TRAIP: variants seen among roughly 807,000 people sequenced by gnomAD.
TRAIP encodes the protein TRAF interacting protein.
TRAIP carries 37 observed loss-of-function variants against 65.0 expected under a neutral mutation model. The observed-to-expected ratio is 0.57, with a 90% CI of 0.44 to 0.75. The LOEUF (loss-of-function observed/expected upper bound fraction) is 0.75, where lower values mean the gene tolerates loss of function less well. Among genes scored for constraint, TRAIP ranks in the 30% least tolerant of loss-of-function variants. The probability of loss-of-function intolerance (pLI) is 0.00; values close to 1 mark genes in which losing one functional copy is unlikely to be tolerated. For synonymous variants in TRAIP, 187 were observed against 219.1 expected (o/e 0.85, Z 1.29); for missense variants, 481 against 579.4 (o/e 0.83, Z 1.74).
rs771421834 is a variant in TRAIP at position 49,843,964 on chromosome 3, G to T, written c.281-36C>A. On this transcript the variant is annotated intron_variant, in intron 4 of 14. Coordinates refer to ENST00000331456, the MANE Select transcript of TRAIP (RefSeq NM_005879.3). ...GGTAGAGGGCGGAGGAAAGGGAAAG[G>T]CCTGTCCATCCATCAGCAGAAGAAC... 2.5e-5 allele frequency: 39 copies of T among 1,580,244 alleles called. No homozygotes were observed. In the East Asian group the frequency reaches 2.7e-4, roughly 11 times the overall value.
At position 49,829,954 on chromosome 3, in the gene TRAIP, A is replaced by G. The variant is rs539630613; in HGVS notation, c.1086+66T>C. 3 of 1,604,880 alleles carry G rather than the reference A, an allele frequency of 1.9e-6. No homozygotes were observed. In the East Asian group the frequency reaches 6.7e-5, roughly 36 times the overall value. Reference sequence around the variant, plus strand: ...CCAGGAGTGACAAGGCTCTGGCAAGACCGTGCCCTCCCAAAAGTCCAGTCC... The same window carrying G: ...CCAGGAGTGACAAGGCTCTGGCAAGGCCGTGCCCTCCCAAAAGTCCAGTCC... On this transcript the variant is annotated intron_variant, in intron 12 of 14. Transcript: ENST00000331456.
Position 49,829,182 on chromosome 3 carries a change from G to C in TRAIP, c.1331C>G (p.Thr444Ser), listed in dbSNP as rs1358197216. The C allele has an allele frequency of 1.2e-6, 2 of 1,614,110 alleles. No individual in the cohort carries two copies. The highest frequency in any genetic ancestry group is 1.3e-5 in the African/African-American group (1 of 74,928). ...MIRPLPVKPK[T>S]KVKQRVRVKT... ...CACCCTCACCCTCTGCTTAACCTTG[G>C]TCTTGGGCTTAACAGGCAATGGGCG... Residue 444 changes from threonine to serine, a missense_variant, in exon 15 of 15, where the codon ACC (threonine) becomes AGC (serine). Coordinates refer to ENST00000331456, the MANE Select transcript of TRAIP (RefSeq NM_005879.3).
chr3:49,846,691 C>G (rs1333557232), intron 3 of TRAIP, among the ~76,000 whole-genome samples: 2 of 152,132 alleles, frequency 1.3e-5, no homozygotes, highest in Admixed American at 6.5e-5. Context: ...CAAGTCTCAC[C>G]TCTATAACTT....
chr3:49,848,838 T>C (rs943494388), intron 1 of TRAIP, among the ~76,000 whole-genome samples: 3 of 152,134 alleles, frequency 2.0e-5, no homozygotes, highest in African/African-American at 4.8e-5. Context: ...ATACCTACTA[T>C]GTACTCATAA....
rs372743241 is a variant in TRAIP at position 49,830,873 on chromosome 3, G to C, written c.1038-805C>G. On this transcript the variant is annotated intron_variant, in intron 11 of 14. Coordinates refer to ENST00000331456, the MANE Select transcript of TRAIP (RefSeq NM_005879.3). ...GTGGTAAGGCTACATGACAACCAAG[G>C]CTCCAGGAAGGACGAGCTGAGTTAG... 1.2e-4 allele frequency among the ~76,000 whole-genome samples: 18 copies of C among 152,296 alleles called. No homozygotes were observed. The East Asian group carries it at 2.3e-3, about 20-fold the overall frequency.
At chr3:49,839,487 T>C (rs1467496716) in intron 10 of TRAIP, among the ~76,000 whole-genome samples, 1 of 152,186 alleles carries the variant, frequency 6.6e-6, no homozygotes, top group Non-Finnish European at 1.5e-5. Context: ...GACAGATAAA[T>C]GTGGGGAGCT....
At chr3:49,836,555 A>C (rs2081789085) in intron 10 of TRAIP, among the ~76,000 whole-genome samples, 1 of 151,420 alleles carries the variant, frequency 6.6e-6, no homozygotes, top group Admixed American at 6.6e-5. Flanking sequence ...AAAGCAAAGC[A>C]AAGCGGTGGC....
At chr3:49,834,444 G>A (rs1281754408) in intron 10 of TRAIP, among the ~76,000 whole-genome samples, 3 of 152,114 alleles carry the variant, frequency 2.0e-5, no homozygotes, top group African/African-American at 4.8e-5. Context: ...GGAAAGGGAG[G>A]GCCTTGCAAA....
rs777634559 is a variant in TRAIP at position 49,842,512 on chromosome 3, C to T, written c.444G>A (p.Glu148=). Residue 148 remains glutamate (E), a synonymous_variant, in exon 6 of 15, where the codon GAG becomes GAA. Transcript: ENST00000331456. ...GGGCCTCCTCTTGTGCTTGTTTGGT[C>T]TCATCCTGCTGCTGCTCTAAGTACT... ...QMKYLEQQQD[E]TKQAQEEARR... The T allele has an allele frequency of 6.2e-7, 1 of 1,613,914 alleles. No individual in the cohort carries two copies. The highest frequency in any genetic ancestry group is 8.5e-7 in the Non-Finnish European group (1 of 1,180,004).
chr3:49,837,658 T>C (rs921102603), intron 10 of TRAIP, among the ~76,000 whole-genome samples: 1 of 144,896 alleles, frequency 6.9e-6, no homozygotes, highest in Non-Finnish European at 1.5e-5. Flanking sequence ...CTCGGCTCAC[T>C]GCAACCTCTA....
rs146306196 is a variant in TRAIP, at chr3:49,829,461, C to A, written c.1284G>T (p.Gln428His). ...CAACATCACAGGAAAAGGATACAGG[C>A]TGGATGAATTTTGTCCGGCCACCGA... ...DGLGGRTKFI[Q>H]PTDTVMIRPL... is the part of the protein sequence containing the mutation. The change falls in exon 14 of 15, where the codon CAG becomes CAT. Residue 428 changes from glutamine to histidine, a missense_variant. Coordinates refer to ENST00000331456, the MANE Select transcript of TRAIP (RefSeq NM_005879.3). 1,191 of 1,613,978 alleles carry A rather than the reference C, an allele frequency of 7.4e-4. 2 individuals carry two copies. Among genetic ancestry groups the A allele is most frequent in the Non-Finnish European group, 9.5e-4 (1,118 of 1,180,006 alleles).
chr3:49,830,064 G>C lies in TRAIP; in HGVS notation c.1042C>G (p.Pro348Ala), dbSNP rs1036775595. ...EKLCLEKSHSPIQDVPKKICK... is the reference protein window; with the variant it reads ...EKLCLEKSHSAIQDVPKKICK... ...ATCTTCTTGGGGACATCCTGAATTG[G>C]GGAGCTACAAGAATGAGAGAGAAGG... Residue 348 changes from proline to alanine, a missense_variant, in exon 12 of 15, where the codon CCA (proline) becomes GCA (alanine). Pro to Ala is a conservative substitution (Grantham distance 27). Transcript: ENST00000331456. 6.2e-7 allele frequency: 1 copy of C among 1,614,124 alleles called. No homozygotes were observed.
intron 7 of TRAIP, 101 bp from the exon 8 acceptor site, chr3:49,841,173 T>C: frequency 1.0e-6 from 1 of 957,308 alleles, no homozygotes; most frequent in Non-Finnish European, 1.7e-6. Flanking sequence ...ACCCCTCAAC[T>C]CACTCTCATT....
chr3:49,852,882 G>A (rs1391827684), intron 1 of TRAIP, among the ~76,000 whole-genome samples: 1 of 152,162 alleles, frequency 6.6e-6, no homozygotes, highest in Non-Finnish European at 1.5e-5. Flanking sequence ...GGCACTTTGG[G>A]AGACCAAGGT....
In TRAIP at chr3:49,829,390, G is replaced by A. The variant is rs1559444008; in HGVS notation, c.1287+68C>T. ...TGAGGCTGTTGGCACTGGCAGGCTG[G>A]GGGTATAGGTGAGGCATAGTATGGG... On this transcript the variant is annotated intron_variant, in intron 14 of 14. Transcript: ENST00000331456. 1.9e-6 allele frequency: 3 copies of A among 1,612,802 alleles called. No individual in the cohort carries two copies. In the East Asian group the frequency reaches 6.7e-5, roughly 36 times the overall value.
Position 49,842,564 on chromosome 3 carries a change from C to G in TRAIP, c.409-17G>C, listed in dbSNP as rs936298160. 6.2e-7 allele frequency: 1 copy of G among 1,611,384 alleles called. No homozygotes were observed. Among genetic ancestry groups the G allele is most frequent in the African/African-American group, 1.3e-5 (1 of 74,998 alleles). On this transcript the variant is annotated splice_polypyrimidine_tract_variant and intron_variant, in intron 5 of 14. Coordinates refer to ENST00000331456, the MANE Select transcript of TRAIP (RefSeq NM_005879.3). ...CATCTGCTTCTGAAGAGCAAATACA[C>G]CCATACCTGATGCTTGGAGGCCCTC...
rs1432675239 is a variant in TRAIP, at chr3:49,850,936, C to T, written c.99-2736G>A. Among the ~76,000 whole-genome samples the T allele has an allele frequency of 2.0e-5, 3 of 151,786 alleles. No individual in the cohort carries two copies. In the East Asian group the frequency reaches 5.8e-4, roughly 29 times the overall value. On this transcript the variant is annotated intron_variant, in intron 1 of 14. Transcript: ENST00000331456. ...TGCTGGGATTACAGGCATGAGCCAC[C>T]ATGCCCGGCCAATAGCCTGCGTTTT...
intron 1 of TRAIP, among the ~76,000 whole-genome samples, chr3:49,855,979 A>G (rs1300778724): frequency 2.6e-5 from 4 of 152,226 alleles, no homozygotes; most frequent in African/African-American, 9.6e-5. Context: ...AGGCACAGCA[A>G]ACTCTCTTGG....
At chr3:49,851,491 C>T (rs975935471) in intron 1 of TRAIP, among the ~76,000 whole-genome samples, 8 of 152,192 alleles carry the variant, frequency 5.3e-5, no homozygotes, top group African/African-American at 1.7e-4. Flanking sequence ...CAGGCTCAAG[C>T]GATCCTCCTG....
Sources: allele counts gnomAD v4.1 joint callset (sites outside exome capture counted in the v4.1 genomes callset), GRCh38; gene constraint gnomAD v4.1.1; transcripts MANE v1.5; gene names NCBI Gene and HGNC (gene_info 2026-07-23, HGNC 2026-07-21).